POU6F2: variants seen among roughly 807,000 people sequenced by gnomAD.
POU6F2 encodes the protein POU class 6 homeobox 2.
POU6F2 carries 31 observed loss-of-function variants against 71.3 expected under a neutral mutation model. The observed-to-expected ratio is 0.43, with a 90% CI of 0.33 to 0.59. POU6F2 has a LOEUF of 0.59. Among genes scored for constraint, POU6F2 ranks in the 20% least tolerant of loss-of-function variants. The pLI is 0.04. For synonymous variants in POU6F2, 347 were observed against 355.7 expected, an observed-to-expected ratio of 0.98 and a Z score of 0.27; for missense variants, 783 against 856.8, an observed-to-expected ratio of 0.91 and a Z score of 1.07.
chr7:39,007,274 TAGATTTTTG>T (rs2128701756), intron 1 of POU6F2, among the ~76,000 whole-genome samples: 1 of 152,356 alleles, frequency 6.6e-6, no homozygotes, highest in Non-Finnish European at 1.5e-5. Context: ...AAAGATACTC[TAGATTTTTG>T]AGTATTACTT....
At chr7:39,406,478 G>A in intron 5 of POU6F2, 122 bp from the exon 6 acceptor site, 3 of 1,199,974 alleles carry the variant, frequency 2.5e-6, no homozygotes, top group Middle Eastern at 2.8e-4. Context: ...CCTCCGGTGG[G>A]TTCCAGGCCC....
At chr7:39,069,224 A>T (rs1790823872) in intron 1 of POU6F2, among the ~76,000 whole-genome samples, 1 of 152,222 alleles carries the variant, frequency 6.6e-6, no homozygotes, top group East Asian at 1.9e-4. Context: ...AGCGGTCCCT[A>T]AACTGAGGTC....
intron 4 of POU6F2, among the ~76,000 whole-genome samples, chr7:39,272,248 C>T (rs1015024976): frequency 9.9e-5 from 15 of 152,106 alleles, no homozygotes; most frequent in Admixed American, 2.0e-4. Context: ...AAGAACTAGT[C>T]GATTCATCAT....
intron 2 of POU6F2, among the ~76,000 whole-genome samples, chr7:39,140,027 G>T (rs559216812): frequency 5.2e-4 from 79 of 152,210 alleles, no homozygotes; most frequent in Non-Finnish European, 9.0e-4. Flanking sequence ...GCTACCGTGA[G>T]ATCCACTCTC....
chr7:39,386,071 T>G (rs1786933231), intron 5 of POU6F2, among the ~76,000 whole-genome samples: 1 of 144,494 alleles, frequency 6.9e-6, no homozygotes, highest in African/African-American at 2.6e-5. Context: ...TGAGCTGAGA[T>G]CGCACCACTG....
chr7:39,001,885 A>T (rs1788924749), intron 1 of POU6F2: 7 of 151,954 alleles, frequency 4.6e-5, no homozygotes, highest in Admixed American at 4.6e-4. Context: ...GATGGGGATG[A>T]TGATGTGAAT....
chr7:39,401,067 G>T (rs1365742885), intron 5 of POU6F2, among the ~76,000 whole-genome samples: 1 of 152,202 alleles, frequency 6.6e-6, no homozygotes, highest in East Asian at 1.9e-4. Context: ...CCTCCCTGCT[G>T]CAAACAGCGT....
chr7:39,068,428 T>C (rs1790804960), intron 1 of POU6F2, among the ~76,000 whole-genome samples: 1 of 151,018 alleles, frequency 6.6e-6, no homozygotes, highest in African/African-American at 2.5e-5. Context: ...AACTTGTACA[T>C]GCAGTCTGAT....
At chr7:38,979,908 G>A (rs1370946440) in intron 1 of POU6F2, among the ~76,000 whole-genome samples, 3 of 151,996 alleles carry the variant, frequency 2.0e-5, no homozygotes, top group Non-Finnish European at 4.4e-5. Context: ...TTGTTATTCA[G>A]TATTGTTTAT....
intron 4 of POU6F2, among the ~76,000 whole-genome samples, chr7:39,247,137 C>T (rs911719304): frequency 3.0e-4 from 46 of 151,978 alleles, no homozygotes; most frequent in Non-Finnish European, 3.8e-4. Flanking sequence ...TAATTTACAA[C>T]GATTTGTGGT....
chr7:39,015,766 TTA>T (rs1217390339), intron 1 of POU6F2, among the ~76,000 whole-genome samples: 7 of 87,580 alleles, frequency 8.0e-5, no homozygotes, highest in Admixed American at 3.8e-4. Flanking sequence ...TATAGATATA[TTA>T]TATATATTAT....
intron 1 of POU6F2, among the ~76,000 whole-genome samples, chr7:39,058,443 A>G (rs1790580685): frequency 6.6e-6 from 1 of 152,178 alleles, no homozygotes; most frequent in Non-Finnish European, 1.5e-5. Flanking sequence ...AGAGGGTCCC[A>G]TTTTGGGAAC....
At chr7:39,374,364 A>AT (rs2115766347) in intron 5 of POU6F2, among the ~76,000 whole-genome samples, 1 of 152,296 alleles carries the variant, frequency 6.6e-6, no homozygotes, top group South Asian at 2.1e-4. Flanking sequence ...AGCAGCTAGG[A>AT]TTATGTGGGC....
At chr7:39,085,838 T>G (rs1791229988) in intron 1 of POU6F2, 22 bp from the exon 2 acceptor site, 1 of 1,612,076 alleles carries the variant, frequency 6.2e-7, no homozygotes, top group Non-Finnish European at 8.5e-7. Context: ...TTCCTCCCCT[T>G]CACTCTTTTC....
chr7:39,251,451 A>G (rs1272257680), intron 4 of POU6F2, among the ~76,000 whole-genome samples: 1 of 152,160 alleles, frequency 6.6e-6, no homozygotes, highest in Non-Finnish European at 1.5e-5. Flanking sequence ...TCCAGGCCAG[A>G]GTGTGGAGGA....
intron 1 of POU6F2, among the ~76,000 whole-genome samples, chr7:39,067,575 C>T (rs1214266703): frequency 6.6e-6 from 1 of 151,950 alleles, no homozygotes; most frequent in African/African-American, 2.4e-5. Context: ...ATCTCAATGT[C>T]ATCATCAATA....
In POU6F2 at chr7:39,429,624, AG is replaced by A. The variant is rs1333822428; in HGVS notation, c.1114-3452del. Among the ~76,000 whole-genome samples the A allele has an allele frequency of 2.6e-5, 4 of 152,176 alleles. No individual in the cohort carries two copies. In the East Asian group the frequency reaches 7.7e-4, roughly 29 times the overall value. On this transcript the variant is annotated intron_variant, in intron 6 of 9. Transcript: ENST00000518318. Reference sequence around the variant, plus strand: ...CTGCAGGAATCCTCGGCATTTCAGGAGAACATAAATCTGTCTGGTACATTGA... The same window carrying A: ...CTGCAGGAATCCTCGGCATTTCAGGAAACATAAATCTGTCTGGTACATTGA...
At chr7:39,031,620 C>T (rs1281690987) in intron 1 of POU6F2, among the ~76,000 whole-genome samples, 3 of 152,084 alleles carry the variant, frequency 2.0e-5, no homozygotes, top group Non-Finnish European at 4.4e-5. Flanking sequence ...CAGTGGCTCA[C>T]ACCTGTAATC....
intron 4 of POU6F2, among the ~76,000 whole-genome samples, chr7:39,288,241 A>G (rs1483618027): frequency 1.3e-5 from 2 of 152,210 alleles, no homozygotes; most frequent in East Asian, 1.9e-4. Flanking sequence ...AATAAGCTGC[A>G]GTGTCAAGAC....
Sources: allele counts gnomAD v4.1 joint callset (sites outside exome capture counted in the v4.1 genomes callset), GRCh38; gene constraint gnomAD v4.1.1; transcripts MANE v1.5; gene names NCBI Gene and HGNC (gene_info 2026-07-23, HGNC 2026-07-21).